The following PDE1C variants were observed in gnomAD, a reference collection of about 807,000 sequenced individuals.
PDE1C encodes the protein dual specificity calcium/calmodulin-dependent 3',5'-cyclic nucleotide phosphodiesterase 1C.
PDE1C carries 62 observed loss-of-function variants against 93.1 expected under a neutral mutation model. The observed-to-expected ratio is 0.67, with a 90% CI of 0.54 to 0.82. The LOEUF (loss-of-function observed/expected upper bound fraction) is 0.82. PDE1C is among the 40% of genes least tolerant of loss of function. The pLI is 0.00. For missense variants in PDE1C, 742 were observed against 884.6 expected (o/e 0.84, Z 2.04); for synonymous variants, 325 against 310.1 (o/e 1.05, Z -0.50).
At chr7:31,625,516 G>C in the PDE1C span, among the ~76,000 whole-genome samples, 1 of 152,062 alleles carries the variant, frequency 6.6e-6, no homozygotes, top group Non-Finnish European at 1.5e-5. Context: ...ATAAACTATT[G>C]CAAGAACAAA....
the PDE1C span, among the ~76,000 whole-genome samples, chr7:31,686,249 C>A: frequency 6.6e-6 from 1 of 152,298 alleles, no homozygotes; most frequent in South Asian, 2.1e-4. Context: ...CCCAGACTGG[C>A]CTTCCTGCTT....
intron 16 of PDE1C, among the ~76,000 whole-genome samples, chr7:31,777,333 A>G (rs576851222): frequency 1.3e-5 from 2 of 151,772 alleles, no homozygotes; most frequent in South Asian, 4.2e-4. Context: ...ATTTTATTTT[A>G]TTTATTTATT....
chr7:32,042,960 C>T (rs1036529470), intron 2 of PDE1C, among the ~76,000 whole-genome samples: 1 of 152,192 alleles, frequency 6.6e-6, no homozygotes, highest in African/African-American at 2.4e-5. Flanking sequence ...CAGAGAGGAG[C>T]AATTCGGCAC....
chr7:32,159,164 T>C (rs1435424441), intron 3 of PDE1C, among the ~76,000 whole-genome samples: 2 of 152,178 alleles, frequency 1.3e-5, no homozygotes, highest in Middle Eastern at 3.2e-3. Flanking sequence ...ACTCACCTCA[T>C]GCAGCTTCAG....
chr7:31,739,954 T>G, the PDE1C span, among the ~76,000 whole-genome samples: 1 of 152,204 alleles, frequency 6.6e-6, no homozygotes, highest in African/African-American at 2.4e-5. Flanking sequence ...TTTTTGACTT[T>G]ACTTTCTCTC....
chr7:32,043,962 C>T (rs1015955137), intron 2 of PDE1C, among the ~76,000 whole-genome samples: 12 of 152,126 alleles, frequency 7.9e-5, no homozygotes, highest in Non-Finnish European at 1.2e-4. Flanking sequence ...GTAACTATGA[C>T]GTTAGTTCTG....
At chr7:32,373,046 G>A (rs914251958) in intron 1 of PDE1C, among the ~76,000 whole-genome samples, 1 of 152,218 alleles carries the variant, frequency 6.6e-6, no homozygotes, top group Non-Finnish European at 1.5e-5. Context: ...TTAGAAAACA[G>A]TCTGGCAGTT....
intron 8 of PDE1C, 28 bp from the exon 9 acceptor site, chr7:31,848,124 A>C: frequency 6.2e-7 from 1 of 1,608,522 alleles, no homozygotes; most frequent in Non-Finnish European, 8.5e-7. Context: ...CAAAATTCAG[A>C]ATGTTAAACA....
the PDE1C span, among the ~76,000 whole-genome samples, chr7:31,637,250 C>A: frequency 2.0e-5 from 3 of 152,012 alleles, no homozygotes; most frequent in South Asian, 2.1e-4. Flanking sequence ...GGGTGTATAC[C>A]CAGTAATGGG....
intron 2 of PDE1C, among the ~76,000 whole-genome samples, chr7:31,965,287 T>C (rs970846626): frequency 3.3e-5 from 5 of 152,130 alleles, no homozygotes; most frequent in Non-Finnish European, 1.5e-5. Context: ...CTGAAAACTA[T>C]GGCACGAGAA....
chr7:31,881,650 C>A (rs575998898), intron 2 of PDE1C, among the ~76,000 whole-genome samples: 1 of 152,170 alleles, frequency 6.6e-6, no homozygotes, highest in Non-Finnish European at 1.5e-5. Context: ...TGATAACCAG[C>A]AATGAAAAGA....
chr7:31,677,059 G>T, the PDE1C span, among the ~76,000 whole-genome samples: 1 of 152,108 alleles, frequency 6.6e-6, no homozygotes, highest in East Asian at 1.9e-4. Context: ...AACGTAAATT[G>T]AAATGAATAA....
At chr7:32,333,214 T>C (rs1460163206) in intron 1 of PDE1C, among the ~76,000 whole-genome samples, 1 of 152,190 alleles carries the variant, frequency 6.6e-6, no homozygotes, top group African/African-American at 2.4e-5. Flanking sequence ...AGCAAAATCA[T>C]TGCATTTACA....
intron 2 of PDE1C, among the ~76,000 whole-genome samples, chr7:32,005,185 T>A (rs1415936315): frequency 1.3e-5 from 2 of 152,124 alleles, no homozygotes; most frequent in Non-Finnish European, 2.9e-5. Context: ...TGAACTCTCA[T>A]CATTACTCCA....
chr7:32,257,423 G>A lies in PDE1C; in HGVS notation c.85+41228C>T, dbSNP rs75091478. 3.2e-4 allele frequency among the ~76,000 whole-genome samples: 49 copies of A among 152,206 alleles called. No homozygotes were observed. In the East Asian group the frequency reaches 9.1e-3, roughly 28 times the overall value. On this transcript the variant is annotated intron_variant, in intron 1 of 18. Transcript: ENST00000396193. ...ACCAACTCCATGAATTCAAATCCTG[G>A]CTCCCTCATTTACTGTTTGACCATG... is the stretch of plus-strand genomic sequence containing the variant.
At chr7:31,914,646 C>T (rs1409495162) in intron 2 of PDE1C, among the ~76,000 whole-genome samples, 1 of 152,158 alleles carries the variant, frequency 6.6e-6, no homozygotes, top group Non-Finnish European at 1.5e-5. Context: ...AAAGGTTGAA[C>T]ATTAAGCTAC....
chr7:31,716,710 T>C, the PDE1C span, among the ~76,000 whole-genome samples: 2 of 152,182 alleles, frequency 1.3e-5, no homozygotes, highest in East Asian at 1.9e-4. Flanking sequence ...TAAACCCATA[T>C]GGCATTTTAT....
At chr7:31,969,045 C>G (rs924626024) in intron 2 of PDE1C, among the ~76,000 whole-genome samples, 1 of 152,114 alleles carries the variant, frequency 6.6e-6, no homozygotes, top group African/African-American at 2.4e-5. Context: ...AAAACCTAGG[C>G]AATACCATTC....
rs142705443 is a variant in PDE1C at position 32,394,980 on chromosome 7, T to A, written c.310+32842A>T. On this transcript the variant is annotated intron_variant, in intron 1 of 1. Transcript: ENST00000672256. ...CTCTCCAGAAGCAGATCTGGTGCCATGCTTCTTGTACAGCCTGCAGAGTTG... is the reference window on the plus strand; with the variant it reads ...CTCTCCAGAAGCAGATCTGGTGCCAAGCTTCTTGTACAGCCTGCAGAGTTG... Among the ~76,000 whole-genome samples, 13 of 152,300 alleles carry A rather than the reference T, an allele frequency of 8.5e-5. 1 individual carries two copies. Among genetic ancestry groups the A allele is most frequent in the Admixed American group, 2.6e-4 (4 of 15,290 alleles).
Sources: allele counts gnomAD v4.1 joint callset (sites outside exome capture counted in the v4.1 genomes callset), GRCh38; gene constraint gnomAD v4.1.1; transcripts MANE v1.5; gene names NCBI Gene and HGNC (gene_info 2026-07-23, HGNC 2026-07-21).